Variants in CDH18 observed in about 807,000 individuals in gnomAD.
The protein encoded by CDH18 is cadherin 18, also known as cadherin-18.
Under a neutral mutation model 67.9 loss-of-function variants are expected in CDH18, and 31 were observed. The observed-to-expected ratio is 0.46, with a 90% CI of 0.34 to 0.62. The LOEUF is 0.62. CDH18 is among the 20% of genes least tolerant of loss of function. CDH18 has a pLI of 0.01. For synonymous variants in CDH18, 362 were observed against 347.2 expected (o/e 1.04, Z -0.48); for missense variants, 890 against 975.5 (o/e 0.91, Z 1.17).
At chr5:20,162,347 G>C (rs1735957489) in intron 2 of CDH18, among the ~76,000 whole-genome samples, 1 of 150,240 alleles carries the variant, frequency 6.7e-6, no homozygotes, top group Admixed American at 6.7e-5. Flanking sequence ...GCAGCAGAAA[G>C]CTGGTCATTA....
chr5:20,083,403 A>AT (rs766252223), intron 2 of CDH18, among the ~76,000 whole-genome samples: 17 of 151,796 alleles, frequency 1.1e-4, no homozygotes, highest in East Asian at 3.9e-4. Flanking sequence ...CATTTTGTTT[A>AT]TTTTTTTTAA....
chr5:19,630,107 GT>G (rs528823387), intron 5 of CDH18, among the ~76,000 whole-genome samples: 1 of 151,574 alleles, frequency 6.6e-6, no homozygotes, highest in Non-Finnish European at 1.5e-5. Context: ...CGGCTAATTT[GT>G]TTTTTTAATT....
At chr5:19,534,246 A>G (rs2127005203) in intron 9 of CDH18, among the ~76,000 whole-genome samples, 1 of 152,234 alleles carries the variant, frequency 6.6e-6, no homozygotes, top group South Asian at 2.1e-4. Context: ...CTTATGGACA[A>G]ATTTCATGTA....
intron 2 of CDH18, among the ~76,000 whole-genome samples, chr5:19,848,747 T>A (rs1478100441): frequency 1.3e-5 from 2 of 151,556 alleles, no homozygotes; most frequent in African/African-American, 2.4e-5. Context: ...GAAGTGCAGG[T>A]GAGAAATGAT....
intron 3 of CDH18, among the ~76,000 whole-genome samples, chr5:19,776,672 C>T (rs942398464): frequency 1.3e-5 from 2 of 151,970 alleles, no homozygotes; most frequent in African/African-American, 4.8e-5. Flanking sequence ...AAAAGTAAGC[C>T]CATAGACTTC....
intron 1 of CDH18, among the ~76,000 whole-genome samples, chr5:20,542,460 C>T (rs1329126843): frequency 6.6e-6 from 1 of 151,212 alleles, no homozygotes; most frequent in Non-Finnish European, 1.5e-5. Flanking sequence ...TATACACATA[C>T]ACATATGTAT....
At chr5:20,308,720 C>T (rs1278043575) in intron 1 of CDH18, among the ~76,000 whole-genome samples, 3 of 152,148 alleles carry the variant, frequency 2.0e-5, no homozygotes, top group African/African-American at 7.2e-5. Context: ...ACATGTTTAT[C>T]ATCTTTCTTC....
At chr5:19,694,886 A>G (rs75255835) in intron 5 of CDH18, among the ~76,000 whole-genome samples, 1 of 151,548 alleles carries the variant, frequency 6.6e-6, no homozygotes, top group Non-Finnish European at 1.5e-5. Context: ...AAAAAAAAAA[A>G]AGATAAGGTT....
At chr5:19,949,345 C>T (rs905452872) in intron 2 of CDH18, among the ~76,000 whole-genome samples, 2 of 152,094 alleles carry the variant, frequency 1.3e-5, no homozygotes, top group Non-Finnish European at 1.5e-5. Flanking sequence ...TTCACTGTCA[C>T]TTCCCTGCCT....
At chr5:19,556,379 A>G (rs421627) in intron 8 of CDH18, among the ~76,000 whole-genome samples, 15,031 of 152,114 alleles carry the variant, frequency 0.099, 1,022 homozygotes, top group African/African-American at 0.19. Context: ...AAATAATGAT[A>G]CAGGATATGA....
At chr5:19,629,767 G>C (rs566539870) in intron 5 of CDH18, among the ~76,000 whole-genome samples, 2 of 151,828 alleles carry the variant, frequency 1.3e-5, no homozygotes, top group East Asian at 3.9e-4. Context: ...CACAATAAGA[G>C]GTTGACTATA....
chr5:19,765,141 C>T (rs558152444), intron 3 of CDH18, among the ~76,000 whole-genome samples: 1 of 152,220 alleles, frequency 6.6e-6, no homozygotes, highest in South Asian at 2.1e-4. Context: ...GTATTCTCAG[C>T]TAAAATCCAA....
chr5:20,418,038 C>T (rs1369873187), intron 1 of CDH18, among the ~76,000 whole-genome samples: 1 of 151,978 alleles, frequency 6.6e-6, no homozygotes, highest in Non-Finnish European at 1.5e-5. Flanking sequence ...ACATTTTCCA[C>T]AGATAAAGAG....
chr5:20,384,108 TG>T (rs1220735770), intron 1 of CDH18, among the ~76,000 whole-genome samples: 1 of 152,134 alleles, frequency 6.6e-6, no homozygotes, highest in African/African-American at 2.4e-5. Context: ...AAGCTTACTT[TG>T]GCAAAAACAC....
chr5:20,398,835 G>A (rs1745509440), intron 1 of CDH18, among the ~76,000 whole-genome samples: 1 of 146,872 alleles, frequency 6.8e-6, no homozygotes, highest in African/African-American at 2.5e-5. Context: ...CACGGCACAC[G>A]TATACCTACG....
intron 1 of CDH18, among the ~76,000 whole-genome samples, chr5:20,558,056 C>T (rs1179685186): frequency 6.6e-6 from 1 of 150,830 alleles, no homozygotes; most frequent in Non-Finnish European, 1.5e-5. Flanking sequence ...TGTTATATAA[C>T]AATCTGATTG....
chr5:19,610,925 C>CCAGGTAA (rs1040710399), intron 6 of CDH18, among the ~76,000 whole-genome samples: 1 of 151,960 alleles, frequency 6.6e-6, no homozygotes, highest in African/African-American at 2.4e-5. Flanking sequence ...CATGAATGCA[C>CCAGGTAA]CAGGTAACAT....
intron 5 of CDH18, among the ~76,000 whole-genome samples, chr5:19,645,249 G>T (rs1473800299): frequency 6.6e-6 from 1 of 152,198 alleles, no homozygotes; most frequent in Non-Finnish European, 1.5e-5. Flanking sequence ...TATAGGAAAA[G>T]ACATTTAATA....
At chr5:20,435,299 T>C (rs1318084414) in intron 1 of CDH18, among the ~76,000 whole-genome samples, 1 of 152,048 alleles carries the variant, frequency 6.6e-6, no homozygotes, top group African/African-American at 2.4e-5. Context: ...TTGTCCTCCT[T>C]TGTATCTTCA....
Sources: gnomAD v4.1 joint callset for allele counts (sites outside exome capture counted in the v4.1 genomes callset) on GRCh38, gnomAD v4.1.1 for gene constraint, MANE v1.5 for transcripts, NCBI Gene and HGNC (gene_info 2026-07-23, HGNC 2026-07-21) for gene names.